Variants in FGL1 observed in about 807,000 individuals in gnomAD.
FGL1 encodes the protein fibrinogen-like protein 1.
A neutral mutation model predicts 43.7 loss-of-function variants in FGL1; 59 were observed. The observed-to-expected ratio is 1.35, with a 90% CI of 1.10 to 1.68. The LOEUF (loss-of-function observed/expected upper bound fraction) is 1.68, where lower values mean the gene tolerates loss of function less well. Ranked by LOEUF, FGL1 falls within the 40% of genes most tolerant of loss-of-function variation. The probability of loss-of-function intolerance (pLI) is 0.00; values close to 1 mark genes in which losing one functional copy is unlikely to be tolerated. For synonymous variants in FGL1, 192 were observed against 126.5 expected (o/e 1.52, Z -3.48); for missense variants, 596 against 373.0 (o/e 1.60, Z -4.92).
chr8:17,894,549 C>T (rs1214635791), intron 1 of FGL1, among the ~76,000 whole-genome samples: 1 of 146,880 alleles, frequency 6.8e-6, no homozygotes, highest in Non-Finnish European at 1.5e-5. Context: ...TTTTTGACTT[C>T]TGAAGTGAAA....
chr8:17,864,973 A>T (rs926259043), intron 7 of FGL1, among the ~76,000 whole-genome samples: 17 of 151,676 alleles, frequency 1.1e-4, no homozygotes, highest in African/African-American at 3.9e-4. Flanking sequence ...AATAATAGAG[A>T]CAGTGTCTCA....
chr8:17,882,223 T>C (rs2053548413), intron 2 of FGL1, 44 bp from the exon 3 acceptor site: 1 of 1,506,948 alleles, frequency 6.6e-7, no homozygotes, highest in Non-Finnish European at 8.9e-7. Context: ...CTCATTTTCA[T>C]GGAAAACAAG....
intron 3 of FGL1, 147 bp downstream of exon 3, chr8:17,881,852 A>G: frequency 1.6e-6 from 1 of 644,980 alleles, no homozygotes; most frequent in Non-Finnish European, 2.4e-6. Context: ...AAAAAAAAGT[A>G]AAGTGTGAAA....
At chr8:17,882,432 A>G (rs953610679) in intron 2 of FGL1, 1 of 331,516 alleles carries the variant, frequency 3.0e-6, no homozygotes, top group Non-Finnish European at 5.6e-6. Context: ...CTATGCTAGG[A>G]GCTTTATAGT....
intron 7 of FGL1, among the ~76,000 whole-genome samples, chr8:17,866,950 G>A (rs2053278128): frequency 6.6e-6 from 1 of 152,138 alleles, no homozygotes; most frequent in Non-Finnish European, 1.5e-5. Context: ...AAACCACTAA[G>A]GAAAACACCA....
chr8:17,879,386 A>C (rs1280001170), intron 3 of FGL1, among the ~76,000 whole-genome samples: 1 of 151,970 alleles, frequency 6.6e-6, no homozygotes, highest in Non-Finnish European at 1.5e-5. Flanking sequence ...TCAGCTCTTG[A>C]TATGATTTGG....
intron 5 of FGL1, 29 bp downstream of exon 5, chr8:17,873,989 CA>C: frequency 6.8e-7 from 1 of 1,476,016 alleles, no homozygotes; most frequent in Non-Finnish European, 9.1e-7. Context: ...TATTATATTT[CA>C]AATAAATCTG....
At chr8:17,893,216 A>G (rs1450972739) in intron 1 of FGL1, among the ~76,000 whole-genome samples, 1 of 152,114 alleles carries the variant, frequency 6.6e-6, no homozygotes, top group Non-Finnish European at 1.5e-5. Flanking sequence ...ACAAACAAAC[A>G]AACAACAACA....
chr8:17,881,913 G>T lies in FGL1; in HGVS notation c.244+86C>A, dbSNP rs528960281. ...CTTCATATTGCTTGTTACTGAAATA[G>T]GAAAAGCCTGAAATAACTAGCACCA... On this transcript the variant is annotated intron_variant, in intron 3 of 7. Transcript: ENST00000427924. 134 of 1,108,926 alleles carry T rather than the reference G, an allele frequency of 1.2e-4. 1 individual carries two copies. The East Asian group carries it at 3.3e-3, about 27-fold the overall frequency. The allele number at this position is 1,108,926 out of a possible 1,614,324, so 68.7% of individuals were successfully genotyped here. A position where few individuals can be genotyped will look rare whatever the true frequency, so the allele number is the denominator to read the frequency against.
At chr8:17,894,062 T>A (rs938801718) in intron 1 of FGL1, among the ~76,000 whole-genome samples, 4 of 146,362 alleles carry the variant, frequency 2.7e-5, no homozygotes, top group Non-Finnish European at 4.4e-5. Context: ...TAAAAAAAAT[T>A]TAATTAATTA....
At chr8:17,878,504 A>G (rs1182420112) in intron 3 of FGL1, among the ~76,000 whole-genome samples, 1 of 152,168 alleles carries the variant, frequency 6.6e-6, no homozygotes, top group African/African-American at 2.4e-5. Flanking sequence ...TGCTGGAGCC[A>G]GTGGTGTTGT....
intron 7 of FGL1, among the ~76,000 whole-genome samples, chr8:17,865,675 C>T (rs1055231817): frequency 7.2e-5 from 11 of 152,128 alleles, no homozygotes; most frequent in African/African-American, 2.7e-4. Flanking sequence ...TTACATGTAA[C>T]AGTATGCAAT....
intron 5 of FGL1, among the ~76,000 whole-genome samples, chr8:17,869,429 C>G (rs557582963): frequency 1.3e-5 from 2 of 152,162 alleles, no homozygotes; most frequent in South Asian, 2.1e-4. Context: ...TGTGTAATCT[C>G]TAGTAGCTGA....
chr8:17,890,273 A>T (rs1004536259), intron 1 of FGL1, among the ~76,000 whole-genome samples: 4 of 152,222 alleles, frequency 2.6e-5, no homozygotes, highest in African/African-American at 9.6e-5. Context: ...TTACAATGAG[A>T]CAACATTCTA....
rs34570292 is a variant in FGL1, at chr8:17,881,138, A to ATTTTTTTTTTT, written c.244+850_244+860dup. ...ATTGTAATCTGCCATGTGTACACGG[A>ATTTTTTTTTTT]TTTTTTTTTTTTTTTTGAGACAGAG... On this transcript the variant is annotated intron_variant, in intron 3 of 7. Coordinates refer to ENST00000427924, the MANE Select transcript of FGL1 (RefSeq NM_004467.4). Among the ~76,000 whole-genome samples, 155 of 142,932 alleles carry ATTTTTTTTTTT rather than the reference A, an allele frequency of 1.1e-3. 1 individual carries two copies. Among genetic ancestry groups the ATTTTTTTTTTT allele is most frequent in the African/African-American group, 3.9e-3 (144 of 36,830 alleles). 93.8% of individuals were successfully genotyped at this position (142,932 alleles called of 152,430 possible).
upstream of FGL1, chr8:17,895,535 A>G (rs1174956660): frequency 3.9e-6 from 5 of 1,286,484 alleles, no homozygotes; most frequent in Non-Finnish European, 5.1e-6. Context: ...GGGAATTTGT[A>G]ATTATTTCTC....
rs375736879 is a variant in FGL1, at chr8:17,868,592, T to G, written c.735A>C (p.Glu245Asp). 2.6e-5 allele frequency: 42 copies of G among 1,614,002 alleles called. 1 individual carries two copies. The highest frequency in any genetic ancestry group is 2.4e-4 in the South Asian group (22 of 91,048). ...ACTGATCTTCTTCTGCGCAGTTCCC[T>G]TCATAGTTGTCATGATCTCTGTCCC... is the stretch of plus-strand genomic sequence containing the variant. ...STWDRDHDNYEGNCAEEDQSG... is the reference protein window; with the variant it reads ...STWDRDHDNYDGNCAEEDQSG... Residue 245 changes from glutamate to aspartate, a missense_variant, in exon 7 of 8, where the codon GAA becomes GAC. By Grantham distance (45) the Glu-to-Asp change is conservative (BLOSUM62 2). Coordinates refer to ENST00000427924, the MANE Select transcript of FGL1 (RefSeq NM_004467.4).
chr8:17,871,263 C>G (rs886428189), intron 5 of FGL1, among the ~76,000 whole-genome samples: 4 of 152,054 alleles, frequency 2.6e-5, no homozygotes, highest in Non-Finnish European at 5.9e-5. Context: ...GAGGCTAAGG[C>G]ACGCAGATGA....
At chr8:17,880,515 T>C (rs1190775287) in intron 3 of FGL1, among the ~76,000 whole-genome samples, 1 of 152,204 alleles carries the variant, frequency 6.6e-6, no homozygotes, top group Non-Finnish European at 1.5e-5. Context: ...TATTTGCTTA[T>C]CTTGCTATTC....
Sources: allele counts gnomAD v4.1 joint callset (sites outside exome capture counted in the v4.1 genomes callset), GRCh38; gene constraint gnomAD v4.1.1; transcripts MANE v1.5; gene names NCBI Gene and HGNC (gene_info 2026-07-23, HGNC 2026-07-21).